Variants in PHACTR1 observed in about 807,000 individuals in gnomAD.
PHACTR1 encodes the protein phosphatase and actin regulator 1, also known as RPEL repeat containing 1.
In PHACTR1, 16 loss-of-function variants were observed where a neutral mutation model predicts 69.2. That is an observed-to-expected ratio of 0.23 (90% confidence interval 0.16 to 0.35). The LOEUF (loss-of-function observed/expected upper bound fraction) is 0.35. Ranked by LOEUF, PHACTR1 falls within the 10% of genes least tolerant of loss-of-function variation. PHACTR1 has a pLI of 1.00. For synonymous variants in PHACTR1, 312 were observed against 284.5 expected (o/e 1.10, Z -0.97); for missense variants, 510 against 734.7 (o/e 0.69, Z 3.54).
intron 13 of PHACTR1, among the ~76,000 whole-genome samples, chr6:13,284,517 C>CAAAAAAAAAAAAAAAAAAAAA (rs58847683): frequency 2.5e-5 from 1 of 40,020 alleles, no homozygotes; most frequent in Non-Finnish European, 3.6e-5. Flanking sequence ...AACTCCATCT[C>CAAAAAAAAAAAAAAAAAAAAA]AAAAAAAAAA....
intron 4 of PHACTR1, among the ~76,000 whole-genome samples, chr6:12,827,883 G>T (rs1189987951): frequency 1.0e-5 from 1 of 97,010 alleles, no homozygotes; most frequent in Non-Finnish European, 2.1e-5. Context: ...GTGAGGGTGA[G>T]GGGGGGTGAA....
chr6:13,033,473 T>C (rs1369138928), intron 4 of PHACTR1, among the ~76,000 whole-genome samples: 1 of 152,212 alleles, frequency 6.6e-6, no homozygotes, highest in Non-Finnish European at 1.5e-5. Context: ...ATGGCCATGC[T>C]CTGTTAAAAT....
chr6:12,742,679 C>A (rs1470621575), intron 3 of PHACTR1, among the ~76,000 whole-genome samples: 1 of 152,082 alleles, frequency 6.6e-6, no homozygotes, highest in Non-Finnish European at 1.5e-5. Context: ...CAAGAGAACC[C>A]TTAATCCTAA....
chr6:13,013,958 G>A (rs1799794323), intron 4 of PHACTR1, among the ~76,000 whole-genome samples: 1 of 151,498 alleles, frequency 6.6e-6, no homozygotes, highest in Non-Finnish European at 1.5e-5. Flanking sequence ...GGGAGGGCGC[G>A]GTGCCAGGCG....
chr6:12,937,352 G>C (rs1377861900), intron 4 of PHACTR1, among the ~76,000 whole-genome samples: 1 of 152,016 alleles, frequency 6.6e-6, no homozygotes, highest in Non-Finnish European at 1.5e-5. Flanking sequence ...TACTAATTGA[G>C]TGGATTTTTT....
At chr6:13,093,690 G>A (rs1167752707) in intron 5 of PHACTR1, among the ~76,000 whole-genome samples, 2 of 152,046 alleles carry the variant, frequency 1.3e-5, no homozygotes, top group East Asian at 3.9e-4. Context: ...CTCTATATTG[G>A]GTTCTAGTCC....
At chr6:12,923,281 T>C (rs1200820764) in intron 4 of PHACTR1, among the ~76,000 whole-genome samples, 1 of 152,200 alleles carries the variant, frequency 6.6e-6, no homozygotes, top group Non-Finnish European at 1.5e-5. Flanking sequence ...ACCTATGCTT[T>C]AATAATAAAT....
In PHACTR1 at chr6:13,286,339, G is replaced by C. The variant is rs150277530; in HGVS notation, c.1727+117G>C. The C allele has an allele frequency of 3.7e-6, 3 of 815,270 alleles. No homozygotes were observed. In the African/African-American group the frequency reaches 5.4e-5, roughly 15 times the overall value. The allele number at this position is 815,270 out of a possible 1,614,324, so 50.5% of individuals were successfully genotyped here. ...GGTTGGAGGGTGCCATGAGAGGGAA[G>C]ATAGTAGGAAGGCAGGCATGCGGTT... On this transcript the variant is annotated intron_variant, in intron 14 of 14. Transcript: ENST00000332995.
At chr6:12,746,312 T>C (rs980787601) in intron 3 of PHACTR1, among the ~76,000 whole-genome samples, 2 of 152,220 alleles carry the variant, frequency 1.3e-5, no homozygotes, top group African/African-American at 2.4e-5. Context: ...ATTGGGCGGA[T>C]TGCTTGAAAC....
chr6:13,012,616 G>C (rs1799566921), intron 4 of PHACTR1, among the ~76,000 whole-genome samples: 1 of 152,152 alleles, frequency 6.6e-6, no homozygotes, highest in African/African-American at 2.4e-5. Context: ...CTTGTTAAAG[G>C]TACAGACTCC....
chr6:12,864,477 C>G (rs1431586181), intron 4 of PHACTR1, among the ~76,000 whole-genome samples: 2 of 152,062 alleles, frequency 1.3e-5, no homozygotes, highest in Non-Finnish European at 2.9e-5. Context: ...TCAGAAGATC[C>G]AGACCATCCT....
At chr6:12,718,125 C>T (rs1476138554) in intron 2 of PHACTR1, among the ~76,000 whole-genome samples, 1 of 152,214 alleles carries the variant, frequency 6.6e-6, no homozygotes, top group Non-Finnish European at 1.5e-5. Flanking sequence ...CCCTGCCAGG[C>T]ACAGGCAGGT....
At chr6:13,004,655 C>T (rs983636042) in intron 4 of PHACTR1, among the ~76,000 whole-genome samples, 15 of 152,282 alleles carry the variant, frequency 9.9e-5, no homozygotes, top group African/African-American at 3.4e-4. Flanking sequence ...AACCTCTCAT[C>T]TAGGTTTTAA....
intron 4 of PHACTR1, chr6:12,957,287 G>T: frequency 2.0e-4 from 122 of 614,400 alleles, no homozygotes; most frequent in Non-Finnish European, 2.2e-4. Context: ...CCCAGGCTGT[G>T]AGTTCCAGAC....
At chr6:12,895,177 CTTTTTT>C (rs139510433) in intron 4 of PHACTR1, among the ~76,000 whole-genome samples, 3 of 88,276 alleles carry the variant, frequency 3.4e-5, no homozygotes, top group African/African-American at 1.2e-4. Flanking sequence ...TTTCTTTTTT[CTTTTTT>C]TTTTTTTTTT....
At chr6:12,763,256 A>ACAG (rs200282763) in intron 4 of PHACTR1, among the ~76,000 whole-genome samples, 3 of 147,038 alleles carry the variant, frequency 2.0e-5, no homozygotes, top group Admixed American at 6.8e-5. Flanking sequence ...AACAACAACA[A>ACAG]AACAGCAGCC....
At chr6:13,111,632 A>T (rs975561713) in intron 5 of PHACTR1, among the ~76,000 whole-genome samples, 7 of 152,086 alleles carry the variant, frequency 4.6e-5, no homozygotes, top group Non-Finnish European at 1.0e-4. Flanking sequence ...CTTAAGTTAG[A>T]CTCTTACTCC....
intron 4 of PHACTR1, among the ~76,000 whole-genome samples, chr6:12,929,590 G>C (rs1788650762): frequency 6.6e-6 from 1 of 152,176 alleles, no homozygotes; most frequent in Non-Finnish European, 1.5e-5. Flanking sequence ...TGACTCTCAG[G>C]CTTGAAACAG....
At position 12,976,857 on chromosome 6, in the gene PHACTR1, A is replaced by G. The variant is rs1027731110; in HGVS notation, c.251-76508A>G. Among the ~76,000 whole-genome samples, 10 of 151,332 alleles carry G rather than the reference A, an allele frequency of 6.6e-5. 1 individual carries two copies. The East Asian group carries it at 1.2e-3, about 17-fold the overall frequency. On this transcript the variant is annotated intron_variant, in intron 4 of 14. Transcript: ENST00000332995. ...TTTTACTTAATTGCTCTACTTTATT[A>G]TAAGTAATTGTTGCTAATCTGTTAC...
Sources: allele counts gnomAD v4.1 joint callset (sites outside exome capture counted in the v4.1 genomes callset), GRCh38; gene constraint gnomAD v4.1.1; transcripts MANE v1.5; gene names NCBI Gene and HGNC (gene_info 2026-07-23, HGNC 2026-07-21).